Variants in INSL6 observed in about 807,000 individuals in gnomAD.
INSL6 encodes insulin like 6.
Under a neutral mutation model 9.4 loss-of-function variants are expected in INSL6, and 16 were observed. The ratio of observed to expected loss-of-function variants is 1.70; its 90% CI spans 1.15 to 2.59. The LOEUF (loss-of-function observed/expected upper bound fraction) is 2.59. Ranked by LOEUF, INSL6 falls within the 30% of genes most tolerant of loss-of-function variation. INSL6 has a pLI of 0.00. For missense variants in INSL6, 391 were observed against 257.3 expected (o/e 1.52, Z -3.56); for synonymous variants, 154 against 96.9 (o/e 1.59, Z -3.46).
At chr9:5,113,325 G>A in the INSL6 span, among the ~76,000 whole-genome samples, 16 of 150,206 alleles carry the variant, frequency 1.1e-4, no homozygotes, top group African/African-American at 3.7e-4. Flanking sequence ...ATCACTTGAG[G>A]GAGATGCTGT....
the INSL6 span, chr9:5,108,346 G>A: frequency 2.6e-5 from 4 of 151,916 alleles, no homozygotes; most frequent in Admixed American, 6.6e-5. Flanking sequence ...CAACCAGAAC[G>A]CCTCAATGCA....
At chr9:5,078,777 G>A in the INSL6 span, among the ~76,000 whole-genome samples, 12 of 151,864 alleles carry the variant, frequency 7.9e-5, no homozygotes, top group South Asian at 2.1e-4. Context: ...TTTTCTTCTC[G>A]TCACTAAATA....
At chr9:5,109,130 C>T in the INSL6 span, 2 of 152,030 alleles carry the variant, frequency 1.3e-5, no homozygotes, top group East Asian at 3.9e-4. Context: ...TAATTACAAC[C>T]CTCTACTCCC....
At chr9:5,100,690 T>C in the INSL6 span, 21 of 152,360 alleles carry the variant, frequency 1.4e-4, no homozygotes, top group African/African-American at 3.8e-4. Context: ...CACAGCCTGA[T>C]AGAAGGAAAT....
chr9:5,072,509 A>G, the INSL6 span: 1 of 1,591,386 alleles, frequency 6.3e-7, no homozygotes, highest in Non-Finnish European at 8.6e-7. Context: ...GCCTTGGCCA[A>G]GGCACTTTTA....
chr9:5,095,783 T>C, the INSL6 span, among the ~76,000 whole-genome samples: 1 of 152,216 alleles, frequency 6.6e-6, no homozygotes, highest in African/African-American at 2.4e-5. Flanking sequence ...ATTACTCATA[T>C]AGGTTGAATG....
chr9:5,000,013 T>C, the INSL6 span, among the ~76,000 whole-genome samples: 1 of 152,222 alleles, frequency 6.6e-6, no homozygotes, highest in Non-Finnish European at 1.5e-5. Context: ...ATCTCATTTT[T>C]ATGTACTTTT....
intron 3 of INSL6, chr9:5,127,609 T>C: frequency 4.3e-6 from 1 of 231,940 alleles, no homozygotes. Context: ...TATGAACAGT[T>C]TTCTTTTAAA....
At chr9:5,081,701 T>C in the INSL6 span, 1 of 1,526,514 alleles carries the variant, frequency 6.6e-7, no homozygotes, top group Admixed American at 1.7e-5. Flanking sequence ...TAATTTAAGG[T>C]GATAATATTC....
the INSL6 span, among the ~76,000 whole-genome samples, chr9:4,997,436 A>G: frequency 3.3e-5 from 5 of 152,208 alleles, no homozygotes; most frequent in African/African-American, 1.2e-4. Context: ...GAGCTGGAGC[A>G]AAAGAGAATG....
In INSL6 at chr9:5,185,356, G is replaced by C; in HGVS notation, c.247C>G (p.Pro83Ala). 1 of 1,614,162 alleles carries C rather than the reference G, an allele frequency of 6.2e-7. No individual in the cohort carries two copies. Among genetic ancestry groups the C allele is most frequent in the Non-Finnish European group, 8.5e-7 (1 of 1,180,024 alleles). Residue 83 changes from proline (P) to alanine (A), a missense_variant, in exon 1 of 2, where the codon CCG becomes GCG. By Grantham distance (27) the Pro-to-Ala change is conservative. Transcript: ENST00000381641. ...CCCCGGGCCGGGGAAGCGGTTTGCGGGCTTTCGAACTGGTATGGGCTGTAG... is the reference window on the plus strand; with the variant it reads ...CCCCGGGCCGGGGAAGCGGTTTGCGCGCTTTCGAACTGGTATGGGCTGTAG... The part of the protein sequence containing the change: ...EAYSPYQFES[P>A]QTASPARGRG...
chr9:5,107,195 C>T, the INSL6 span, among the ~76,000 whole-genome samples: 2 of 152,114 alleles, frequency 1.3e-5, no homozygotes, highest in African/African-American at 4.8e-5. Context: ...TTCCAATCAA[C>T]TAGTTTCGAT....
chr9:5,049,601 G>A, the INSL6 span, among the ~76,000 whole-genome samples: 172 of 152,238 alleles, frequency 1.1e-3, 1 homozygote, highest in African/African-American at 3.8e-3. Flanking sequence ...TATCATGTCT[G>A]GTGTTATAAT....
the INSL6 span, chr9:5,041,134 C>T: frequency 7.1e-6 from 7 of 988,398 alleles, no homozygotes; most frequent in Non-Finnish European, 9.3e-6. Context: ...TGCTCCTGAT[C>T]GCCATCCGGC....
the INSL6 span, among the ~76,000 whole-genome samples, chr9:5,080,899 T>C: frequency 7.9e-5 from 11 of 139,168 alleles, no homozygotes; most frequent in African/African-American, 1.6e-4. Context: ...TTTCTTTTTT[T>C]TTTTTTTTTT....
the INSL6 span, among the ~76,000 whole-genome samples, chr9:5,046,312 C>T: frequency 6.6e-6 from 1 of 152,058 alleles, no homozygotes; most frequent in Non-Finnish European, 1.5e-5. Context: ...ATCTTAACTC[C>T]TTATAAGATA....
chr9:5,053,858 A>T, the INSL6 span, among the ~76,000 whole-genome samples: 4 of 152,038 alleles, frequency 2.6e-5, no homozygotes, highest in Non-Finnish European at 5.9e-5. Flanking sequence ...TCGAATGAGT[A>T]ACTAGATAGG....
At chr9:5,136,864 G>A (rs967137111) in intron 2 of INSL6, among the ~76,000 whole-genome samples, 4 of 152,244 alleles carry the variant, frequency 2.6e-5, no homozygotes, top group East Asian at 3.9e-4. Flanking sequence ...TTGTATATTT[G>A]GAAAACCCCA....
At chr9:5,132,549 T>C (rs775470463) in intron 3 of INSL6, among the ~76,000 whole-genome samples, 2 of 143,390 alleles carry the variant, frequency 1.4e-5, no homozygotes, top group Non-Finnish European at 2.9e-5. Flanking sequence ...TTTTTTCTTT[T>C]TCTTAAAAAA....
Sources: gnomAD v4.1 joint callset for allele counts (sites outside exome capture counted in the v4.1 genomes callset) on GRCh38, gnomAD v4.1.1 for gene constraint, MANE v1.5 for transcripts, NCBI Gene and HGNC (gene_info 2026-07-23, HGNC 2026-07-21) for gene names.